The following PRDM1 variants were observed in gnomAD, a reference collection of about 807,000 sequenced individuals.
The protein encoded by PRDM1 is PR/SET domain 1, also known as PR domain zinc finger protein 1.
PRDM1 carries 13 observed loss-of-function variants against 62.8 expected under a neutral mutation model. The ratio of observed to expected loss-of-function variants is 0.21; its 90% CI spans 0.13 to 0.33. The LOEUF is 0.33. Ranked by LOEUF, PRDM1 falls within the 10% of genes least tolerant of loss-of-function variation. The pLI, the probability that PRDM1 is intolerant of heterozygous loss-of-function variation, is 1.00. For synonymous variants in PRDM1, 396 were observed against 417.6 expected, an observed-to-expected ratio of 0.95 and a Z score of 0.63; for missense variants, 895 against 1,058.8, an observed-to-expected ratio of 0.85 and a Z score of 2.15.
At chr6:106,047,928 C>T (rs1172114036), upstream of PRDM1, among the ~76,000 whole-genome samples, 1 of 152,184 alleles carries the variant, frequency 6.6e-6, no homozygotes, top group Non-Finnish European at 1.5e-5. Flanking sequence ...GAAGCATACT[C>T]CATTTTCTAG....
Position 106,109,790 on chromosome 6 carries a change from C to G in PRDM1, c.*2304C>G, listed in dbSNP as rs536189708. Reference sequence around the variant, plus strand: ...ATCAACAGTGGTTTTATTTTTTCCTCTACTCAAAGTTAAAACTGACCAAAG... The same window carrying G: ...ATCAACAGTGGTTTTATTTTTTCCTGTACTCAAAGTTAAAACTGACCAAAG... On this transcript the variant is annotated 3_prime_UTR_variant, in exon 7 of 7. Transcript: ENST00000369096. The G allele has an allele frequency of 4.3e-6, 1 of 233,028 alleles. No individual in the cohort carries two copies. The highest frequency in any genetic ancestry group is 2.2e-5 in the African/African-American group (1 of 45,306). The allele number at this position is 233,028 out of a possible 1,614,324, so 14.4% of individuals were successfully genotyped here.
intron 1 of PRDM1, among the ~76,000 whole-genome samples, chr6:106,008,328 G>A (rs887990696): frequency 1.3e-5 from 2 of 152,104 alleles, no homozygotes; most frequent in East Asian, 1.9e-4. Flanking sequence ...AGCCAAGATC[G>A]TGCCACTGTA....
chr6:106,056,958 G>C (rs1008913198), intron 1 of PRDM1, among the ~76,000 whole-genome samples: 2 of 152,156 alleles, frequency 1.3e-5, no homozygotes, highest in Non-Finnish European at 2.9e-5. Context: ...TCAGAATGTG[G>C]ATTCACAAGT....
intron 4 of PRDM1, among the ~76,000 whole-genome samples, chr6:106,104,127 C>T (rs1366216412): frequency 6.6e-6 from 1 of 152,138 alleles, no homozygotes; most frequent in Admixed American, 6.5e-5. Context: ...TTTAGGTAAA[C>T]CATGAACATC....
chr6:106,004,541 A>G (rs1582422681), intron 1 of PRDM1, among the ~76,000 whole-genome samples: 1 of 152,280 alleles, frequency 6.6e-6, no homozygotes, highest in East Asian at 1.9e-4. Flanking sequence ...GAGCCAAGTG[A>G]TTTTGGAGTG....
chr6:106,074,493 T>A (rs1773570105), intron 1 of PRDM1, among the ~76,000 whole-genome samples: 1 of 152,184 alleles, frequency 6.6e-6, no homozygotes, highest in East Asian at 1.9e-4. Flanking sequence ...AACTAGATAA[T>A]GCTAGTTATA....
At chr6:106,081,690 C>G (rs1026715496), upstream of PRDM1, among the ~76,000 whole-genome samples, 3 of 152,188 alleles carry the variant, frequency 2.0e-5, no homozygotes, top group Non-Finnish European at 2.9e-5. Flanking sequence ...TGAAGAAAGT[C>G]AAGCCTCTAC....
upstream of PRDM1, among the ~76,000 whole-genome samples, chr6:106,044,716 T>C (rs1390243275): frequency 2.6e-5 from 4 of 152,148 alleles, no homozygotes; most frequent in Admixed American, 1.3e-4. Context: ...GATGTAAGCA[T>C]GGTAGTTATC....
chr6:106,107,422 G>C lies in PRDM1; in HGVS notation c.2414G>C (p.Ser805Thr), dbSNP rs1296446700. 6.2e-7 allele frequency: 1 copy of C among 1,614,006 alleles called. No individual in the cohort carries two copies. The highest frequency in any genetic ancestry group is 1.3e-5 in the African/African-American group (1 of 74,900). The change falls in exon 7 of 7, where the codon AGC becomes ACC. Residue 805 changes from serine (S) to threonine (T), a missense_variant. By Grantham distance (58) the Ser-to-Thr change is moderately conservative. This residue lies in a region of PRDM1 where 164 missense variants were observed against 179.9 expected (regional missense o/e 0.91). Transcript: ENST00000369096. ...CTACCCCTCATGAAGTTGCCTCCCAGCAACCCACTACCTCTGGTACCTGTA... is the reference window on the plus strand; with the variant it reads ...CTACCCCTCATGAAGTTGCCTCCCACCAACCCACTACCTCTGGTACCTGTA... ...SDLPLMKLPPSNPLPLVPVKV... is the reference protein window; with the variant it reads ...SDLPLMKLPPTNPLPLVPVKV...
At chr6:106,070,945 G>A (rs1773505226) in intron 1 of PRDM1, among the ~76,000 whole-genome samples, 1 of 152,270 alleles carries the variant, frequency 6.6e-6, no homozygotes, top group South Asian at 2.1e-4. Context: ...ACCATGATTT[G>A]TAATGACATG....
chr6:106,053,400 T>C (rs935469488), intron 1 of PRDM1, among the ~76,000 whole-genome samples: 12 of 152,336 alleles, frequency 7.9e-5, no homozygotes, highest in Non-Finnish European at 1.5e-4. Flanking sequence ...CTTTTGTAAG[T>C]AGCCTTCTCC....
At chr6:106,090,820 C>T (rs4946724) in intron 2 of PRDM1, among the ~76,000 whole-genome samples, 13,374 of 150,430 alleles carry the variant, frequency 0.089, 800 homozygotes, top group East Asian at 0.23. Context: ...GCTGACATAC[C>T]GGGGAATTTT....
At chr6:106,085,366 T>C (rs1773772213), upstream of PRDM1, among the ~76,000 whole-genome samples, 1 of 152,256 alleles carries the variant, frequency 6.6e-6, no homozygotes, top group Admixed American at 6.5e-5. Flanking sequence ...GGGTGTTTGC[T>C]ATAAACATTG....
At position 106,108,520 on chromosome 6, in the gene PRDM1, G is replaced by GC. The variant is rs1491208938; in HGVS notation, c.*1035dup. On this transcript the variant is annotated 3_prime_UTR_variant, in exon 7 of 7. Coordinates refer to ENST00000369096, the MANE Select transcript of PRDM1 (RefSeq NM_001198.4). ...TGGTGTTTTGTTGTTGGTTTTTGTT[G>GC]CTTTTTTTTTTTTTTTTTTTTTAAT... 89 of 106,556 alleles carry GC rather than the reference G, an allele frequency of 8.4e-4. No homozygotes were observed. Among genetic ancestry groups the GC allele is most frequent in the African/African-American group, 4.5e-3 (59 of 13,098 alleles). The allele number at this position is 106,556 out of a possible 1,614,324, so 6.6% of individuals were successfully genotyped here. A position where few individuals can be genotyped will look rare whatever the true frequency, so the allele number is the denominator to read the frequency against.
At chr6:106,038,583 G>C (rs1314779105) in intron 1 of PRDM1, among the ~76,000 whole-genome samples, 2 of 152,192 alleles carry the variant, frequency 1.3e-5, no homozygotes, top group Non-Finnish European at 2.9e-5. Flanking sequence ...TTGTAATAAA[G>C]GGATGGTATG....
At chr6:106,098,812 G>C in intron 3 of PRDM1, 3 of 1,516,168 alleles carry the variant, frequency 2.0e-6, no homozygotes, top group Non-Finnish European at 1.8e-6. Flanking sequence ...AGCCTTGGGC[G>C]GGGGTGTAGG....
intron 4 of PRDM1, among the ~76,000 whole-genome samples, chr6:106,104,228 T>C (rs79773542): frequency 2.6e-5 from 4 of 151,802 alleles, no homozygotes; most frequent in African/African-American, 9.7e-5. Flanking sequence ...TTTTCTTTTT[T>C]GAGACAGAGT....
chr6:105,999,587 T>G, intron 1 of PRDM1, among the ~76,000 whole-genome samples: 1 of 152,146 alleles, frequency 6.6e-6, no homozygotes, highest in East Asian at 1.9e-4. Flanking sequence ...GTCATCGTGA[T>G]GGGCTCAGGT....
In PRDM1 at chr6:106,107,677, C is replaced by CATATATATATATAT. The variant is rs60217130; in HGVS notation, c.*200_*213dup. On this transcript the variant is annotated 3_prime_UTR_variant, in exon 7 of 7. Coordinates refer to ENST00000369096, the MANE Select transcript of PRDM1 (RefSeq NM_001198.4). ...CTCAGGGCATGAACAAGGCAAAGGC[C>CATATATATATATAT]ATATATATATATATATATATATCTG... The CATATATATATATAT allele has an allele frequency of 3.3e-3, 655 of 198,928 alleles. 2 individuals carry two copies. Among genetic ancestry groups the CATATATATATATAT allele is most frequent in the Middle Eastern group, 9.7e-3 (6 of 618 alleles). The allele number at this position is 198,928 out of a possible 1,614,324, so 12.3% of individuals were successfully genotyped here.
Sources: allele counts gnomAD v4.1 joint callset (sites outside exome capture counted in the v4.1 genomes callset), GRCh38; gene constraint gnomAD v4.1.1; regional missense constraint gnomAD v4.1.1; transcripts MANE v1.5; gene names NCBI Gene and HGNC (gene_info 2026-07-23, HGNC 2026-07-21).